CFAP95: variants seen among roughly 807,000 people sequenced by gnomAD.
CFAP95 encodes cilia- and flagella-associated protein 95.
the CFAP95 span, among the ~76,000 whole-genome samples, chr9:69,857,512 C>T: frequency 1.4e-4 from 21 of 152,182 alleles, no homozygotes; most frequent in South Asian, 6.2e-4. Context: ...AAATCTAACC[C>T]TAAATTAGTT....
the CFAP95 span, among the ~76,000 whole-genome samples, chr9:69,874,567 C>A: frequency 1.3e-5 from 2 of 152,142 alleles, no homozygotes; most frequent in Non-Finnish European, 2.9e-5. Flanking sequence ...TTGGAAGAGC[C>A]TGACTTCAGA....
chr9:69,857,245 G>A, the CFAP95 span, among the ~76,000 whole-genome samples: 17 of 151,964 alleles, frequency 1.1e-4, no homozygotes, highest in East Asian at 1.4e-3. Context: ...TTATATGAAG[G>A]CATTTCCTCA....
the CFAP95 span, among the ~76,000 whole-genome samples, chr9:69,826,673 G>A: frequency 1.3e-5 from 2 of 152,262 alleles, 1 homozygote; most frequent in South Asian, 4.1e-4. Flanking sequence ...TGGTTATGTG[G>A]TTTCCATGCA....
At chr9:69,844,493 A>T in the CFAP95 span, 1 of 1,485,520 alleles carries the variant, frequency 6.7e-7, no homozygotes. Flanking sequence ...ACATCTCTTA[A>T]CGGACTCCTA....
At chr9:69,904,570 T>G in the CFAP95 span, among the ~76,000 whole-genome samples, 1 of 152,292 alleles carries the variant, frequency 6.6e-6, no homozygotes, top group Admixed American at 6.5e-5. Context: ...GTCACTCACC[T>G]CATAAAAATC....
At chr9:69,868,708 GA>G in the CFAP95 span, among the ~76,000 whole-genome samples, 1 of 145,908 alleles carries the variant, frequency 6.9e-6, no homozygotes, top group East Asian at 2.0e-4. Context: ...AAACAAAAAT[GA>G]AAAGGCAGCC....
At chr9:69,868,662 CA>C in the CFAP95 span, among the ~76,000 whole-genome samples, 64,492 of 120,668 alleles carry the variant, frequency 0.53, 14,971 homozygotes, top group East Asian at 0.77. Context: ...ACTCTGTCTC[CA>C]AAAAAAAAAA....
the CFAP95 span, among the ~76,000 whole-genome samples, chr9:69,889,313 C>T: frequency 7.2e-5 from 11 of 152,194 alleles, no homozygotes; most frequent in South Asian, 1.2e-3. Flanking sequence ...CTTTTCTATA[C>T]GTTGCTTACT....
the CFAP95 span, among the ~76,000 whole-genome samples, chr9:69,849,642 T>C: frequency 1.3e-5 from 2 of 152,184 alleles, no homozygotes; most frequent in Admixed American, 6.5e-5. Flanking sequence ...GAAGGAGGTT[T>C]GGGTATGGTT....
At chr9:69,831,814 G>A in the CFAP95 span, among the ~76,000 whole-genome samples, 1 of 152,078 alleles carries the variant, frequency 6.6e-6, no homozygotes, top group East Asian at 1.9e-4. Flanking sequence ...ATACGTGTGG[G>A]CATTTTTTGT....
chr9:69,831,382 T>TA, the CFAP95 span, among the ~76,000 whole-genome samples: 2 of 152,154 alleles, frequency 1.3e-5, no homozygotes, highest in East Asian at 1.9e-4. Context: ...AAGCTTTTTT[T>TA]AAAAAAAGCA....
At chr9:69,833,040 A>T in the CFAP95 span, among the ~76,000 whole-genome samples, 30 of 152,218 alleles carry the variant, frequency 2.0e-4, no homozygotes, top group African/African-American at 7.2e-4. Context: ...CATGCCATAC[A>T]AATCACCCTT....
the CFAP95 span, among the ~76,000 whole-genome samples, chr9:69,877,754 C>A: frequency 6.6e-6 from 1 of 152,086 alleles, no homozygotes; most frequent in Non-Finnish European, 1.5e-5. Context: ...TTCCTTTATT[C>A]CAATTATGCT....
chr9:69,833,946 A>G, the CFAP95 span, among the ~76,000 whole-genome samples: 2 of 152,352 alleles, frequency 1.3e-5, no homozygotes, highest in African/African-American at 4.8e-5. Flanking sequence ...CTCAATATGC[A>G]CAGCTCATGG....
chr9:69,825,146 C>A, the CFAP95 span, among the ~76,000 whole-genome samples: 1 of 151,970 alleles, frequency 6.6e-6, no homozygotes, highest in Non-Finnish European at 1.5e-5. Context: ...ATTTTAATAT[C>A]TTTTATTAGT....
chr9:69,868,795 C>A, the CFAP95 span, among the ~76,000 whole-genome samples: 3 of 138,082 alleles, frequency 2.2e-5, no homozygotes, highest in African/African-American at 5.3e-5. Context: ...GGAACTCATA[C>A]AACTTATTAG....
At chr9:69,883,990 A>G in the CFAP95 span, among the ~76,000 whole-genome samples, 23,664 of 151,724 alleles carry the variant, frequency 0.16, 1,905 homozygotes, top group East Asian at 0.27. Context: ...TAGGTTATTT[A>G]TTTGAGGTGT....
the CFAP95 span, among the ~76,000 whole-genome samples, chr9:69,857,348 C>T: frequency 1.3e-5 from 2 of 152,154 alleles, no homozygotes; most frequent in Non-Finnish European, 2.9e-5. Flanking sequence ...AAGTGTATGA[C>T]ACATAGCCTT....
At chr9:69,864,256 A>G in the CFAP95 span, among the ~76,000 whole-genome samples, 128,008 of 152,192 alleles carry the variant, frequency 0.84, 53,961 homozygotes, top group Middle Eastern at 0.9. Context: ...GGAGAAGAAA[A>G]AAATTAATAG....
Sources: gnomAD v4.1 joint callset for allele counts (sites outside exome capture counted in the v4.1 genomes callset) on GRCh38, gnomAD v4.1.1 for gene constraint, MANE v1.5 for transcripts, NCBI Gene and HGNC (gene_info 2026-07-23, HGNC 2026-07-21) for gene names.